The following PLBD1 variants were observed in gnomAD, a reference collection of about 807,000 sequenced individuals.
The protein encoded by PLBD1 is phospholipase B domain containing 1, also known as lysosomal leucine aminopeptidase.
In PLBD1, 60 loss-of-function variants were observed where a neutral mutation model predicts 63.0. The observed-to-expected ratio is 0.95, with a 90% CI of 0.77 to 1.18. The LOEUF is 1.18. Ranked by LOEUF, PLBD1 falls within the 50% of genes most tolerant of loss-of-function variation. PLBD1 has a pLI of 0.00. For synonymous variants in PLBD1, 262 were observed against 248.0 expected, an observed-to-expected ratio of 1.06 and a Z score of -0.53; for missense variants, 598 against 677.9, an observed-to-expected ratio of 0.88 and a Z score of 1.31.
intron 8 of PLBD1, among the ~76,000 whole-genome samples, chr12:14,509,461 T>C (rs1945279707): frequency 6.6e-6 from 1 of 152,222 alleles, no homozygotes; most frequent in South Asian, 2.1e-4. Context: ...AGTAACCACC[T>C]AATGATTTGA....
At chr12:14,559,098 T>C (rs1945728126) in intron 1 of PLBD1, among the ~76,000 whole-genome samples, 1 of 152,234 alleles carries the variant, frequency 6.6e-6, no homozygotes, top group Non-Finnish European at 1.5e-5. Flanking sequence ...CCATTATACT[T>C]TTCCATTTTT....
rs369526325 is a variant in PLBD1 at position 14,560,635 on chromosome 12, A to G, written c.115+6947T>C. Among the ~76,000 whole-genome samples, 15 of 152,320 alleles carry G rather than the reference A, an allele frequency of 9.8e-5. No individual in the cohort carries two copies. In the East Asian group the frequency reaches 2.9e-3, roughly 29 times the overall value. On this transcript the variant is annotated intron_variant, in intron 1 of 10. Transcript: ENST00000240617. Reference sequence around the variant, plus strand: ...GTTTTTGGATTTGTTTTGACTCTTCATCGGAGTCACTAACGAAATAACTGA... The same window carrying G: ...GTTTTTGGATTTGTTTTGACTCTTCGTCGGAGTCACTAACGAAATAACTGA...
intron 10 of PLBD1, among the ~76,000 whole-genome samples, chr12:14,505,898 A>T (rs902195960): frequency 1.3e-5 from 2 of 152,248 alleles, no homozygotes; most frequent in Non-Finnish European, 2.9e-5. Flanking sequence ...CTTCAGAACA[A>T]CATATGAGGT....
intron 2 of PLBD1, among the ~76,000 whole-genome samples, chr12:14,546,925 G>C (rs1289620685): frequency 6.6e-6 from 1 of 151,662 alleles, no homozygotes; most frequent in African/African-American, 2.4e-5. Flanking sequence ...CTGTCACCCA[G>C]GCTGGAGTGC....
intron 6 of PLBD1, among the ~76,000 whole-genome samples, chr12:14,518,624 C>G (rs1258395022): frequency 6.6e-6 from 1 of 152,222 alleles, no homozygotes; most frequent in Non-Finnish European, 1.5e-5. Flanking sequence ...ACAGTTCCTA[C>G]CATGTCCACA....
At chr12:14,562,747 T>C (rs1465680558) in intron 1 of PLBD1, among the ~76,000 whole-genome samples, 1 of 152,166 alleles carries the variant, frequency 6.6e-6, no homozygotes, top group East Asian at 1.9e-4. Context: ...TGCATAAAAA[T>C]TACTTAAAAT....
At chr12:14,564,368 T>A (rs748601117) in intron 1 of PLBD1, among the ~76,000 whole-genome samples, 5 of 152,142 alleles carry the variant, frequency 3.3e-5, no homozygotes, top group Non-Finnish European at 5.9e-5. Flanking sequence ...AAGTGGACAC[T>A]GGTAAGCCAT....
rs146059516 is a variant in PLBD1, at chr12:14,556,651, G to A, written c.116-3239C>T. ...CCCAAAGTGCTTGGATTACAGGCATGAGCCACCGTGCCTGGCCAACATTTT... is the reference window on the plus strand; with the variant it reads ...CCCAAAGTGCTTGGATTACAGGCATAAGCCACCGTGCCTGGCCAACATTTT... On this transcript the variant is annotated intron_variant, in intron 1 of 10. Transcript: ENST00000240617. Among the ~76,000 whole-genome samples, 806 of 151,606 alleles carry A rather than the reference G, an allele frequency of 5.3e-3. 8 individuals carry two copies. Among genetic ancestry groups the A allele is most frequent in the African/African-American group, 0.019 (782 of 41,304 alleles).
At chr12:14,524,665 T>G (rs957274540) in intron 6 of PLBD1, among the ~76,000 whole-genome samples, 5 of 152,198 alleles carry the variant, frequency 3.3e-5, no homozygotes, top group Non-Finnish European at 7.3e-5. Flanking sequence ...ATATACATTG[T>G]GTAATGATCA....
intron 1 of PLBD1, among the ~76,000 whole-genome samples, chr12:14,563,727 A>G (rs1297651677): frequency 9.2e-5 from 14 of 152,206 alleles, no homozygotes; most frequent in Non-Finnish European, 1.9e-4. Context: ...AGTTGAGGAA[A>G]CCAAAGTACA....
At position 14,511,366 on chromosome 12, in the gene PLBD1, C is replaced by T. The variant is rs1431794302; in HGVS notation, c.1080G>A (p.Leu360=). The T allele has an allele frequency of 1.2e-6, 2 of 1,613,764 alleles. No homozygotes were observed. Among genetic ancestry groups the T allele is most frequent in the East Asian group, 2.2e-5 (1 of 44,882 alleles). ...GACTGTGGTTCAGCTTTACTTTCTT[C>T]AGGTCCAGAACCATGTATTGATTGT... ...TYNNQYMVLD[L]KKVKLNHSLD... The change falls in exon 8 of 11, where the codon CTG becomes CTA. Residue 360 remains leucine (L), a synonymous_variant. Transcript: ENST00000240617.
At chr12:14,556,989 CAAAAA>C (rs71038607) in intron 1 of PLBD1, among the ~76,000 whole-genome samples, 1 of 76,302 alleles carries the variant, frequency 1.3e-5, no homozygotes, top group Non-Finnish European at 2.3e-5. Context: ...AATTCCCTCT[CAAAAA>C]AAAAAAAAAA....
At chr12:14,564,747 G>A (rs1339556682) in intron 1 of PLBD1, among the ~76,000 whole-genome samples, 1 of 152,180 alleles carries the variant, frequency 6.6e-6, no homozygotes, top group African/African-American at 2.4e-5. Context: ...GCAAGGCCGA[G>A]GGCCAGATTC....
In PLBD1 at chr12:14,540,765, T is replaced by C; in HGVS notation, c.557A>G (p.Lys186Arg). Residue 186 changes from lysine to arginine, a missense_variant and splice_region_variant, in exon 4 of 11, where the codon AAG (lysine) becomes AGG (arginine). Lys to Arg is a conservative substitution (Grantham distance 26). Transcript: ENST00000240617. ...TGAGAAGCTTGTTTAAAGTCCTACCTTTGTCCCTTCTAATATAGCCCTCTT... is the reference window on the plus strand; with the variant it reads ...TGAGAAGCTTGTTTAAAGTCCTACCCTTGTCCCTTCTAATATAGCCCTCTT... Reference protein sequence around the residue: ...AKKRAILEGTKPMTLFQIQFL... With the variant: ...AKKRAILEGTRPMTLFQIQFL... 2 of 1,586,590 alleles carry C rather than the reference T, an allele frequency of 1.3e-6. No homozygotes were observed. The highest frequency in any genetic ancestry group is 1.7e-6 in the Non-Finnish European group (2 of 1,161,400).
intron 8 of PLBD1, 21 bp from the exon 9 acceptor site, chr12:14,507,139 A>G: frequency 6.5e-7 from 1 of 1,549,476 alleles, no homozygotes; most frequent in Non-Finnish European, 8.9e-7. Context: ...ATGGAAGGGA[A>G]GTAAGGGAGG....
Position 14,532,533 on chromosome 12 carries a change from CA to C in PLBD1, c.844+3125del, listed in dbSNP as rs796799444. Among the ~76,000 whole-genome samples the C allele has an allele frequency of 3.9e-5, 6 of 152,306 alleles. 1 individual carries two copies. Among genetic ancestry groups the C allele is most frequent in the African/African-American group, 1.4e-4 (6 of 41,568 alleles). On this transcript the variant is annotated intron_variant, in intron 6 of 10. Coordinates refer to ENST00000240617, the MANE Select transcript of PLBD1 (RefSeq NM_024829.6). ...GGTCATCGTGTGACCACCGTTCTGA[CA>C]GCTCAGTTATGCACCATCTTGCAAA...
rs138660698 is a variant in PLBD1 at position 14,547,473 on chromosome 12, C to T, written c.336-5182G>A. On this transcript the variant is annotated intron_variant, in intron 2 of 10. Transcript: ENST00000240617. ...GAGCTCTGAGTTTAAAGCTTGACTC[C>T]ACTACTTCTAAGCTATATCTTACTA... is the stretch of plus-strand genomic sequence containing the variant. Among the ~76,000 whole-genome samples the T allele has an allele frequency of 4.1e-4, 63 of 152,198 alleles. No homozygotes were observed. The South Asian group carries it at 0.011, about 26-fold the overall frequency.
Position 14,511,380 on chromosome 12 carries a change from T to C in PLBD1, c.1066A>G (p.Met356Val), listed in dbSNP as rs1353922966. The C allele has an allele frequency of 3.7e-6, 6 of 1,613,666 alleles. No individual in the cohort carries two copies. The highest frequency in any genetic ancestry group is 2.2e-5 in the East Asian group (1 of 44,886). The change falls in exon 8 of 11, where the codon ATG becomes GTG. Residue 356 changes from methionine (M) to valine (V), a missense_variant. Coordinates refer to ENST00000240617, the MANE Select transcript of PLBD1 (RefSeq NM_024829.6). Reference sequence around the variant, plus strand: ...TTTACTTTCTTCAGGTCCAGAACCATGTATTGATTGTTATAGGTGCCTGAA... The same window carrying C: ...TTTACTTTCTTCAGGTCCAGAACCACGTATTGATTGTTATAGGTGCCTGAA... ...YNSGTYNNQYMVLDLKKVKLN... is the reference protein window; with the variant it reads ...YNSGTYNNQYVVLDLKKVKLN...
chr12:14,542,476 T>A (rs949709476), intron 2 of PLBD1, among the ~76,000 whole-genome samples, 185 bp from the exon 3 acceptor site: 1 of 152,194 alleles, frequency 6.6e-6, no homozygotes, highest in Non-Finnish European at 1.5e-5. Flanking sequence ...TAGAAAAGGA[T>A]AGAATATTGA....
Sources: allele counts gnomAD v4.1 joint callset (sites outside exome capture counted in the v4.1 genomes callset), GRCh38; gene constraint gnomAD v4.1.1; transcripts MANE v1.5; gene names NCBI Gene and HGNC (gene_info 2026-07-23, HGNC 2026-07-21).